SEMA5A: variants seen among roughly 807,000 people sequenced by gnomAD.
SEMA5A encodes semaphorin-5A.
In SEMA5A, 55 loss-of-function variants were observed where a neutral mutation model predicts 135.5. That is an observed-to-expected ratio of 0.41 (90% CI 0.33 to 0.51). SEMA5A has a LOEUF of 0.51. Among genes scored for constraint, SEMA5A ranks in the 20% least tolerant of loss-of-function variants. The probability of loss-of-function intolerance (pLI) is 0.37; values close to 1 mark genes in which losing one functional copy is unlikely to be tolerated. For synonymous variants in SEMA5A, 580 were observed against 546.5 expected (o/e 1.06, Z -0.85); for missense variants, 1,290 against 1,419.9 (o/e 0.91, Z 1.47).
intron 16 of SEMA5A, among the ~76,000 whole-genome samples, chr5:9,103,613 T>C (rs1739745647): frequency 6.6e-6 from 1 of 152,218 alleles, no homozygotes; most frequent in African/African-American, 2.4e-5. Flanking sequence ...TTACATGATA[T>C]TTCAGTAAGA....
chr5:9,510,460 C>T (rs1053728832), intron 1 of SEMA5A, among the ~76,000 whole-genome samples: 1 of 152,080 alleles, frequency 6.6e-6, no homozygotes, highest in African/African-American at 2.4e-5. Flanking sequence ...GTAAATAACG[C>T]ATTTTGGAAA....
chr5:9,166,613 G>C (rs1464064633), intron 11 of SEMA5A, among the ~76,000 whole-genome samples: 1 of 152,202 alleles, frequency 6.6e-6, no homozygotes, highest in Non-Finnish European at 1.5e-5. Context: ...GAGGAGAAAT[G>C]ACAACTCTTT....
At chr5:9,280,873 T>C (rs994818922) in intron 5 of SEMA5A, 5 of 380,514 alleles carry the variant, frequency 1.3e-5, no homozygotes, top group African/African-American at 8.4e-5. Flanking sequence ...TAAATAATTG[T>C]ATGTGTATGT....
chr5:9,525,768 G>A (rs926536423), intron 1 of SEMA5A, among the ~76,000 whole-genome samples: 2 of 152,194 alleles, frequency 1.3e-5, no homozygotes, highest in Non-Finnish European at 2.9e-5. Flanking sequence ...AAAATTCTTT[G>A]AACACCAGAC....
intron 5 of SEMA5A, among the ~76,000 whole-genome samples, chr5:9,307,017 A>C (rs1388383531): frequency 1.3e-5 from 2 of 152,218 alleles, no homozygotes; most frequent in African/African-American, 4.8e-5. Context: ...CGTATAAAGC[A>C]GCCTATTCTT....
At chr5:9,265,119 T>C (rs1440000999) in intron 5 of SEMA5A, among the ~76,000 whole-genome samples, 1 of 152,138 alleles carries the variant, frequency 6.6e-6, no homozygotes, top group Non-Finnish European at 1.5e-5. Flanking sequence ...TGGTCTGTTG[T>C]GGATGAAATA....
At chr5:9,172,623 T>C (rs970514892) in intron 11 of SEMA5A, among the ~76,000 whole-genome samples, 2 of 152,192 alleles carry the variant, frequency 1.3e-5, no homozygotes, top group Non-Finnish European at 2.9e-5. Flanking sequence ...AATTGAAGCC[T>C]ACAGAAACCT....
At chr5:9,495,794 A>T (rs980780012) in intron 1 of SEMA5A, among the ~76,000 whole-genome samples, 2 of 152,196 alleles carry the variant, frequency 1.3e-5, no homozygotes, top group Non-Finnish European at 2.9e-5. Context: ...TTTATCCTTA[A>T]TTCTTCCAGT....
intron 1 of SEMA5A, among the ~76,000 whole-genome samples, chr5:9,490,711 G>T (rs750200476): frequency 1.3e-5 from 2 of 152,178 alleles, no homozygotes; most frequent in Non-Finnish European, 2.9e-5. Flanking sequence ...TCTTCCCGGG[G>T]ATGCCCCCTG....
intron 4 of SEMA5A, among the ~76,000 whole-genome samples, chr5:9,333,430 C>T (rs1257425740): frequency 2.6e-5 from 4 of 152,212 alleles, no homozygotes; most frequent in Admixed American, 2.0e-4. Flanking sequence ...GCACAGAATA[C>T]ATATCAGAGT....
chr5:9,162,548 ATATGTG>A (rs1161997332), intron 11 of SEMA5A, among the ~76,000 whole-genome samples: 3 of 51,692 alleles, frequency 5.8e-5, no homozygotes, highest in East Asian at 4.8e-4. Flanking sequence ...ATGTGTGTAT[ATATGTG>A]TGTGTGTGTG....
intron 2 of SEMA5A, among the ~76,000 whole-genome samples, chr5:9,387,582 A>G (rs954703992): frequency 6.6e-6 from 1 of 152,216 alleles, no homozygotes; most frequent in African/African-American, 2.4e-5. Context: ...GGAATAAACA[A>G]TCCAGGAGAA....
intron 16 of SEMA5A, among the ~76,000 whole-genome samples, chr5:9,091,353 T>C (rs886803255): frequency 1.3e-5 from 2 of 152,220 alleles, no homozygotes; most frequent in African/African-American, 4.8e-5. Flanking sequence ...TGTTATACTG[T>C]AGATGTACCC....
At chr5:9,376,125 T>C (rs1277680491) in intron 3 of SEMA5A, among the ~76,000 whole-genome samples, 1 of 152,112 alleles carries the variant, frequency 6.6e-6, no homozygotes. Flanking sequence ...TTGGTCTCAG[T>C]AGCAGCCTCA....
At chr5:9,172,787 A>AATCTTCAG (rs1334425191) in intron 11 of SEMA5A, among the ~76,000 whole-genome samples, 2 of 152,208 alleles carry the variant, frequency 1.3e-5, no homozygotes, top group Non-Finnish European at 2.9e-5. Flanking sequence ...ATAAGAAAGA[A>AATCTTCAG]ATCTTCAGTT....
At chr5:9,418,724 AT>A (rs1340589814) in intron 2 of SEMA5A, among the ~76,000 whole-genome samples, 2 of 152,196 alleles carry the variant, frequency 1.3e-5, no homozygotes, top group Non-Finnish European at 2.9e-5. Context: ...GAGTAATCAA[AT>A]TGTACTACAT....
At chr5:9,219,407 C>T (rs1367112023) in intron 8 of SEMA5A, among the ~76,000 whole-genome samples, 1 of 152,084 alleles carries the variant, frequency 6.6e-6, no homozygotes, top group Non-Finnish European at 1.5e-5. Context: ...CTGCTCTGGG[C>T]TGAGTTTTGT....
At chr5:9,353,697 A>C (rs1007531377) in intron 3 of SEMA5A, among the ~76,000 whole-genome samples, 1 of 152,204 alleles carries the variant, frequency 6.6e-6, no homozygotes, top group Non-Finnish European at 1.5e-5. Context: ...TGATAAGGAC[A>C]TGCAGGAAAT....
chr5:9,348,841 C>G (rs373158929), intron 3 of SEMA5A, among the ~76,000 whole-genome samples: 1 of 152,164 alleles, frequency 6.6e-6, no homozygotes, highest in Non-Finnish European at 1.5e-5. Context: ...TGCAGAGGAA[C>G]GTGCCAGAGA....
Sources: gnomAD v4.1 joint callset for allele counts (sites outside exome capture counted in the v4.1 genomes callset) on GRCh38, gnomAD v4.1.1 for gene constraint, MANE v1.5 for transcripts, NCBI Gene and HGNC (gene_info 2026-07-23, HGNC 2026-07-21) for gene names.